The following TENM4 variants were observed in gnomAD, a reference collection of about 807,000 sequenced individuals.
TENM4 encodes the protein teneurin transmembrane protein 4.
TENM4 carries 82 observed loss-of-function variants against 243.3 expected under a neutral mutation model. That is an observed-to-expected ratio of 0.34 (90% CI 0.28 to 0.40). The LOEUF is 0.40. Ranked by LOEUF, TENM4 falls within the 10% of genes least tolerant of loss-of-function variation. The pLI is 1.00. For synonymous variants in TENM4, 1,412 were observed against 1,456.3 expected (o/e 0.97, Z 0.69); for missense variants, 3,138 against 3,673.3 (o/e 0.85, Z 3.77).
chr11:78,978,175 G>A (rs1857707997), intron 6 of TENM4, among the ~76,000 whole-genome samples: 2 of 151,432 alleles, frequency 1.3e-5, no homozygotes, highest in South Asian at 2.1e-4. Flanking sequence ...GACACAGGGA[G>A]GGGAAAAACA....
intron 29 of TENM4, among the ~76,000 whole-genome samples, chr11:78,686,497 G>A (rs1009240630): frequency 1.5e-4 from 23 of 148,462 alleles, no homozygotes; most frequent in African/African-American, 4.7e-4. Context: ...TCAGATAGAA[G>A]TTCCAGAGGC....
chr11:79,277,506 G>A (rs1319023519), intron 2 of TENM4, among the ~76,000 whole-genome samples: 1 of 152,190 alleles, frequency 6.6e-6, no homozygotes, highest in East Asian at 1.9e-4. Context: ...TTGAACCCAG[G>A]TCTTTGTGAC....
chr11:79,112,421 T>A (rs1055966144), intron 4 of TENM4, among the ~76,000 whole-genome samples: 4 of 152,106 alleles, frequency 2.6e-5, no homozygotes, highest in Admixed American at 2.6e-4. Flanking sequence ...GGGCAGGTTG[T>A]TCACTGCTCA....
At chr11:79,197,968 GT>G (rs1421913569) in intron 3 of TENM4, among the ~76,000 whole-genome samples, 8 of 152,144 alleles carry the variant, frequency 5.3e-5, no homozygotes, top group Middle Eastern at 3.2e-3. Flanking sequence ...AGAGGCCCAA[GT>G]TCATACCTGG....
chr11:79,082,494 C>T (rs1383027958), intron 4 of TENM4, among the ~76,000 whole-genome samples: 1 of 152,170 alleles, frequency 6.6e-6, no homozygotes, highest in African/African-American at 2.4e-5. Flanking sequence ...CCTCAGTTTT[C>T]TCTTCTGCAA....
At chr11:79,176,534 A>T (rs574035061) in intron 3 of TENM4, among the ~76,000 whole-genome samples, 1 of 152,328 alleles carries the variant, frequency 6.6e-6, no homozygotes, top group Admixed American at 6.5e-5. Context: ...AGTCATATTA[A>T]AAACCCAATT....
intron 3 of TENM4, among the ~76,000 whole-genome samples, chr11:79,156,708 T>C (rs1006431530): frequency 1.3e-5 from 2 of 152,174 alleles, no homozygotes; most frequent in Admixed American, 1.3e-4. Flanking sequence ...TATTTGACTG[T>C]CTCCGATAAA....
At chr11:78,767,162 C>T (rs1378782485) in intron 18 of TENM4, among the ~76,000 whole-genome samples, 1 of 152,174 alleles carries the variant, frequency 6.6e-6, no homozygotes, top group African/African-American at 2.4e-5. Context: ...GGTCTGGACA[C>T]AGTGAGAAGC....
At chr11:78,761,084 G>A (rs748857642) in intron 18 of TENM4, among the ~76,000 whole-genome samples, 1 of 151,802 alleles carries the variant, frequency 6.6e-6, no homozygotes, top group Non-Finnish European at 1.5e-5. Flanking sequence ...TAAGTTCTCG[G>A]GAGTGGTCAT....
chr11:78,885,840 A>C (rs1855536658), intron 9 of TENM4, among the ~76,000 whole-genome samples: 1 of 152,168 alleles, frequency 6.6e-6, no homozygotes, highest in Admixed American at 6.5e-5. Flanking sequence ...TGGAAGGATC[A>C]CTGGAGCCCA....
intron 3 of TENM4, among the ~76,000 whole-genome samples, chr11:79,163,905 C>T (rs140036482): frequency 0.084 from 11,526 of 137,422 alleles, 977 homozygotes; most frequent in East Asian, 0.42. Context: ...GGATATATAT[C>T]GTATATAGGT....
intron 12 of TENM4, among the ~76,000 whole-genome samples, chr11:78,818,004 G>C (rs1351801083): frequency 6.6e-6 from 1 of 152,056 alleles, no homozygotes; most frequent in Admixed American, 6.5e-5. Context: ...ATACCATATA[G>C]GTTTCATTGT....
intron 6 of TENM4, among the ~76,000 whole-genome samples, chr11:78,905,632 T>A (rs1283945067): frequency 6.6e-6 from 1 of 152,190 alleles, no homozygotes; most frequent in Non-Finnish European, 1.5e-5. Context: ...ACCATCTGAA[T>A]GGCCAAAACC....
chr11:78,835,265 T>C (rs1262955502), intron 12 of TENM4, among the ~76,000 whole-genome samples: 1 of 152,160 alleles, frequency 6.6e-6, no homozygotes, highest in Admixed American at 6.5e-5. Flanking sequence ...CCCAGCACTT[T>C]GAGAGGCCGA....
intron 3 of TENM4, among the ~76,000 whole-genome samples, chr11:79,167,067 T>C (rs1403735427): frequency 1.3e-5 from 2 of 152,136 alleles, no homozygotes; most frequent in Non-Finnish European, 2.9e-5. Context: ...ATTGAACAAG[T>C]GGAGTTTATT....
intron 2 of TENM4, among the ~76,000 whole-genome samples, chr11:79,296,808 C>T (rs532236015): frequency 6.6e-6 from 1 of 152,290 alleles, no homozygotes; most frequent in South Asian, 2.1e-4. Context: ...TGGGAAAGAT[C>T]ACAAAGTACC....
chr11:79,144,268 T>C (rs922080004), intron 4 of TENM4, among the ~76,000 whole-genome samples: 8 of 151,990 alleles, frequency 5.3e-5, no homozygotes, highest in Non-Finnish European at 1.0e-4. Flanking sequence ...TTCATCCCAT[T>C]TAAAATGGCT....
At chr11:79,138,361 T>C (rs1437104028) in intron 4 of TENM4, among the ~76,000 whole-genome samples, 1 of 124,264 alleles carries the variant, frequency 8.0e-6, no homozygotes, top group African/African-American at 3.1e-5. Context: ...ATATATAATA[T>C]ATAATATAAA....
intron 6 of TENM4, among the ~76,000 whole-genome samples, chr11:78,965,460 G>A (rs756734519): frequency 2.6e-5 from 4 of 152,132 alleles, no homozygotes; most frequent in African/African-American, 4.8e-5. Flanking sequence ...AGCTTCTAAT[G>A]AGCTTGAGAT....
Sources: gnomAD v4.1 joint callset for allele counts (sites outside exome capture counted in the v4.1 genomes callset) on GRCh38, gnomAD v4.1.1 for gene constraint, MANE v1.5 for transcripts, NCBI Gene and HGNC (gene_info 2026-07-23, HGNC 2026-07-21) for gene names.